The following SIK3 variants were observed in gnomAD, a reference collection of about 807,000 sequenced individuals.
The protein encoded by SIK3 is SIK family kinase 3.
Under a neutral mutation model 144.2 loss-of-function variants are expected in SIK3, and 28 were observed. The observed-to-expected ratio is 0.19, with a 90% CI of 0.14 to 0.27. The LOEUF is 0.27. SIK3 is among the 10% of genes least tolerant of loss of function. The pLI is 1.00. For missense variants in SIK3, 1,319 were observed against 1,776.0 expected, an observed-to-expected ratio of 0.74 and a Z score of 4.62; for synonymous variants, 686 against 676.3, an observed-to-expected ratio of 1.01 and a Z score of -0.22.
At chr11:116,966,246 A>G (rs1949544441) in intron 1 of SIK3, among the ~76,000 whole-genome samples, 1 of 152,042 alleles carries the variant, frequency 6.6e-6, no homozygotes, top group Non-Finnish European at 1.5e-5. Context: ...TTTTTTAAAA[A>G]TTATCCAGCC....
At chr11:116,986,390 G>A (rs1163336253) in intron 1 of SIK3, among the ~76,000 whole-genome samples, 4 of 152,150 alleles carry the variant, frequency 2.6e-5, no homozygotes, top group Non-Finnish European at 5.9e-5. Context: ...TCTTGTTGTT[G>A]TTATTATTAC....
intron 1 of SIK3, among the ~76,000 whole-genome samples, chr11:117,092,769 C>A (rs1955303846): frequency 6.6e-6 from 1 of 152,138 alleles, no homozygotes; most frequent in Non-Finnish European, 1.5e-5. Flanking sequence ...ATTTCTTTTT[C>A]TTTTCAAAGC....
At chr11:117,090,718 C>T (rs1955206229) in intron 1 of SIK3, among the ~76,000 whole-genome samples, 1 of 152,198 alleles carries the variant, frequency 6.6e-6, no homozygotes, top group Non-Finnish European at 1.5e-5. Context: ...TTCTTCATAT[C>T]TCAGTCATGC....
At chr11:116,980,050 C>T (rs993818187) in intron 1 of SIK3, among the ~76,000 whole-genome samples, 1 of 152,172 alleles carries the variant, frequency 6.6e-6, no homozygotes, top group African/African-American at 2.4e-5. Context: ...CATTAATTTA[C>T]TCTACTCTGT....
At chr11:116,923,001 C>T (rs1796746944) in intron 4 of SIK3, among the ~76,000 whole-genome samples, 1 of 144,312 alleles carries the variant, frequency 6.9e-6, no homozygotes, top group Non-Finnish European at 1.5e-5. Context: ...ACTGCAACCT[C>T]TGCCTCCTGG....
intron 1 of SIK3, among the ~76,000 whole-genome samples, chr11:117,093,303 T>C (rs190800925): frequency 1.3e-5 from 2 of 152,348 alleles, no homozygotes; most frequent in Admixed American, 1.3e-4. Context: ...TTTGACTTGT[T>C]CTCCTCATGG....
intron 1 of SIK3, among the ~76,000 whole-genome samples, chr11:116,995,891 T>TAA (rs1203029868): frequency 6.6e-6 from 1 of 152,168 alleles, no homozygotes; most frequent in Non-Finnish European, 1.5e-5. Flanking sequence ...AGAACCTGCC[T>TAA]GTAGTCCCAA....
At chr11:117,036,133 T>TC in intron 1 of SIK3, 1 of 519,402 alleles carries the variant, frequency 1.9e-6, no homozygotes, top group Non-Finnish European at 3.3e-6. Flanking sequence ...TCACCTAGGC[T>TC]TGTCTTGCAA....
chr11:116,898,485 T>C (rs1028990432), intron 4 of SIK3, among the ~76,000 whole-genome samples: 4 of 152,008 alleles, frequency 2.6e-5, no homozygotes, highest in African/African-American at 9.7e-5. Flanking sequence ...TTTGGGTATA[T>C]ACCCAGTAAT....
intron 1 of SIK3, among the ~76,000 whole-genome samples, chr11:117,036,344 T>G (rs1952503467): frequency 6.6e-6 from 1 of 152,198 alleles, no homozygotes; most frequent in South Asian, 2.1e-4. Flanking sequence ...TACAAAGGTT[T>G]GGAAGACCCA....
At chr11:117,052,074 G>A (rs982733477) in intron 1 of SIK3, among the ~76,000 whole-genome samples, 2 of 152,044 alleles carry the variant, frequency 1.3e-5, no homozygotes, top group East Asian at 1.9e-4. Flanking sequence ...ACCGGAAGGC[G>A]GAAGTTGCAG....
intron 19 of SIK3, among the ~76,000 whole-genome samples, chr11:116,860,609 A>T (rs1304462536): frequency 6.6e-5 from 10 of 152,246 alleles, no homozygotes; most frequent in Non-Finnish European, 1.2e-4. Context: ...TAAAAATATT[A>T]ATAATAGTAA....
At chr11:117,025,223 T>C (rs1463112943) in intron 1 of SIK3, among the ~76,000 whole-genome samples, 2 of 152,046 alleles carry the variant, frequency 1.3e-5, no homozygotes, top group African/African-American at 2.4e-5. Flanking sequence ...AGACTCTCTG[T>C]AAATGTAGCT....
At chr11:116,993,771 G>C (rs532991093) in intron 1 of SIK3, among the ~76,000 whole-genome samples, 15 of 152,290 alleles carry the variant, frequency 9.8e-5, no homozygotes, top group African/African-American at 3.6e-4. Flanking sequence ...AAAAACCTCT[G>C]AAATGCTTTT....
chr11:116,984,293 G>A (rs937451898), intron 1 of SIK3, among the ~76,000 whole-genome samples: 1 of 152,118 alleles, frequency 6.6e-6, no homozygotes, highest in Non-Finnish European at 1.5e-5. Context: ...CTGGCAGTAG[G>A]CTTAACAAGT....
intron 1 of SIK3, among the ~76,000 whole-genome samples, chr11:117,093,668 A>AT (rs200794267): frequency 0.024 from 2,932 of 122,886 alleles, 105 homozygotes; most frequent in African/African-American, 0.12. Flanking sequence ...TCACATTGCT[A>AT]TTTAAAAAAA....
intron 1 of SIK3, among the ~76,000 whole-genome samples, chr11:117,026,575 C>T (rs1475780980): frequency 6.6e-6 from 1 of 152,142 alleles, no homozygotes; most frequent in Non-Finnish European, 1.5e-5. Flanking sequence ...TTGATCAGAA[C>T]CCAACTATGA....
chr11:116,965,493 A>C (rs61905681), intron 1 of SIK3, among the ~76,000 whole-genome samples: 24,487 of 151,524 alleles, frequency 0.16, 2,080 homozygotes, highest in Admixed American at 0.21. Context: ...TTTATTTCAG[A>C]TTAAACAAAT....
intron 21 of SIK3, 187 bp downstream of exon 21, chr11:116,857,623 G>T: frequency 1.1e-6 from 1 of 908,544 alleles, no homozygotes; most frequent in Non-Finnish European, 1.6e-6. Flanking sequence ...ATGGTCCTTT[G>T]ATTTTGAAAA....
Sources: allele counts gnomAD v4.1 joint callset (sites outside exome capture counted in the v4.1 genomes callset), GRCh38; gene constraint gnomAD v4.1.1; transcripts MANE v1.5; gene names NCBI Gene and HGNC (gene_info 2026-07-23, HGNC 2026-07-21).